The following CABIN1 variants were observed in gnomAD, a reference collection of about 807,000 sequenced individuals.
CABIN1 encodes calcineurin-binding protein cabin-1.
A neutral mutation model predicts 227.7 loss-of-function variants in CABIN1; 133 were observed. That is an observed-to-expected ratio of 0.58 (90% CI 0.51 to 0.67). The LOEUF (loss-of-function observed/expected upper bound fraction) is 0.67, where lower values mean the gene tolerates loss of function less well. Among genes scored for constraint, CABIN1 ranks in the 30% least tolerant of loss-of-function variants. The pLI is 0.00. For synonymous variants in CABIN1, 1,086 were observed against 1,155.1 expected (o/e 0.94, Z 1.21); for missense variants, 2,408 against 2,852.5 (o/e 0.84, Z 3.55).
At chr22:24,166,582 G>T in intron 31 of CABIN1, 57 bp from the exon 32 acceptor site, 1 of 1,610,692 alleles carries the variant, frequency 6.2e-7, no homozygotes, top group South Asian at 1.1e-5. Flanking sequence ...CCCCAGAGGT[G>T]ACTCATTGCA....
intron 29 of CABIN1, chr22:24,156,017 C>A: frequency 1.7e-6 from 1 of 573,286 alleles, no homozygotes; most frequent in Non-Finnish European, 3.1e-6. Context: ...CGAGCCTCCG[C>A]GGCCATGGCC....
chr22:24,040,997 G>A (rs1762252011), intron 4 of CABIN1, 142 bp from the exon 5 acceptor site: 1 of 926,064 alleles, frequency 1.1e-6, no homozygotes, highest in Non-Finnish European at 1.7e-6. Context: ...ACATGGTGCA[G>A]TGCCTTCATT....
At chr22:24,176,077 G>A (rs370328153) in intron 34 of CABIN1, 34 bp from the exon 35 acceptor site, 7 of 1,600,686 alleles carry the variant, frequency 4.4e-6, no homozygotes, top group African/African-American at 2.7e-5. Context: ...GGGTGGATGA[G>A]TCTATTACCT....
chr22:24,110,391 C>T (rs2042744776), intron 26 of CABIN1, among the ~76,000 whole-genome samples: 1 of 152,162 alleles, frequency 6.6e-6, no homozygotes, highest in African/African-American at 2.4e-5. Context: ...TCTAAGCCCA[C>T]AATACATTGC....
chr22:24,087,832 C>T, intron 23 of CABIN1, 119 bp downstream of exon 23: 1 of 1,328,042 alleles, frequency 7.5e-7, no homozygotes, highest in Non-Finnish European at 1.0e-6. Flanking sequence ...ATGCTGGGAG[C>T]TCACTGACGA....
intron 29 of CABIN1, among the ~76,000 whole-genome samples, chr22:24,153,574 G>T (rs1041087526): frequency 2.0e-5 from 3 of 152,200 alleles, no homozygotes; most frequent in African/African-American, 7.2e-5. Context: ...ACTTCCTGGG[G>T]GGTTGGGGGG....
At chr22:24,165,235 C>G (rs538571147) in intron 30 of CABIN1, among the ~76,000 whole-genome samples, 4 of 152,336 alleles carry the variant, frequency 2.6e-5, no homozygotes, top group African/African-American at 9.6e-5. Context: ...CCTGGGGCAC[C>G]CTGGAGCCAG....
At position 24,084,835 on chromosome 22, in the gene CABIN1, TC is replaced by T. The variant is rs372209877; in HGVS notation, c.3117+52del. The T allele has an allele frequency of 4.4e-5, 70 of 1,590,500 alleles. No individual in the cohort carries two copies. In the East Asian group the frequency reaches 1.4e-3, roughly 32 times the overall value. On this transcript the variant is annotated intron_variant, in intron 21 of 36. Coordinates refer to ENST00000263119, the MANE Select transcript of CABIN1 (RefSeq NM_012295.4). ...GGGGGACAGGGCTGGGTCACACTCT[TC>T]CGCTCTGCCACTGCTGTATATGCTC...
At position 24,056,100 on chromosome 22, in the gene CABIN1, G is replaced by A. The variant is rs551304603; in HGVS notation, c.1094-92G>A. On this transcript the variant is annotated intron_variant, in intron 9 of 36. Coordinates refer to ENST00000263119, the MANE Select transcript of CABIN1 (RefSeq NM_012295.4). ...AATGTCAAAGAGTTTAATGCTAGTA[G>A]ATTTATAAAAGAGGGAGATTGATGT... The A allele has an allele frequency of 1.3e-4, 141 of 1,104,002 alleles. No individual in the cohort carries two copies. In the South Asian group the frequency reaches 1.7e-3, roughly 13 times the overall value. The allele number at this position is 1,104,002 out of a possible 1,614,324, so 68.4% of individuals were successfully genotyped here. A position where few individuals can be genotyped will look rare whatever the true frequency, so the allele number is the denominator to read the frequency against.
At chr22:24,084,479 C>T (rs2041017210) in intron 20 of CABIN1, 100 bp from the exon 21 acceptor site, 7 of 967,188 alleles carry the variant, frequency 7.2e-6, no homozygotes, top group Non-Finnish European at 1.2e-5. Flanking sequence ...GCCATAACCT[C>T]ATTTACATTG....
intron 26 of CABIN1, among the ~76,000 whole-genome samples, chr22:24,106,761 T>C (rs760514651): frequency 2.0e-4 from 31 of 152,204 alleles, no homozygotes; most frequent in Admixed American, 5.9e-4. Context: ...AGAGGAGGAA[T>C]GGAGGCTGGG....
intron 1 of CABIN1, chr22:24,011,633 G>A (rs2034819127): frequency 6.6e-6 from 1 of 152,282 alleles, no homozygotes; most frequent in Admixed American, 6.5e-5. Flanking sequence ...GTAACCGCAG[G>A]AGCCACCATT....
intron 35 of CABIN1, 125 bp downstream of exon 35, chr22:24,176,400 G>A (rs2148828746): frequency 8.8e-7 from 1 of 1,135,648 alleles, no homozygotes; most frequent in East Asian, 2.6e-5. Flanking sequence ...GGAATGAGAT[G>A]GGGAGGAAAT....
chr22:24,081,582 G>T (rs953727422), intron 19 of CABIN1, among the ~76,000 whole-genome samples: 1 of 151,994 alleles, frequency 6.6e-6, no homozygotes, highest in African/African-American at 2.4e-5. Flanking sequence ...TTGGTTTATT[G>T]ATCCATTTTT....
At chr22:24,110,167 C>G (rs1569229206) in intron 26 of CABIN1, among the ~76,000 whole-genome samples, 2 of 152,094 alleles carry the variant, frequency 1.3e-5, no homozygotes, top group African/African-American at 4.8e-5. Flanking sequence ...GACCCTGTCT[C>G]AAAAAAAATT....
chr22:24,147,371 G>GCCTCCCTC (rs1431272447), intron 29 of CABIN1, among the ~76,000 whole-genome samples: 2 of 127,096 alleles, frequency 1.6e-5, no homozygotes, highest in African/African-American at 2.9e-5. Flanking sequence ...CTGCTTCCCT[G>GCCTCCCTC]CCTCCCTCCC....
chr22:24,019,120 GTTTTTTT>G (rs945660140), intron 1 of CABIN1, among the ~76,000 whole-genome samples: 1 of 40,176 alleles, frequency 2.5e-5, no homozygotes, highest in African/African-American at 1.0e-4. Flanking sequence ...ACTGAGTGTT[GTTTTTTT>G]TTTTTTTTTT....
intron 3 of CABIN1, 54 bp from the exon 4 acceptor site, chr22:24,038,294 T>C: frequency 6.7e-7 from 1 of 1,487,682 alleles, no homozygotes; most frequent in Non-Finnish European, 9.4e-7. Flanking sequence ...ATTTTTGGCT[T>C]AAAAAAGACA....
At chr22:24,044,024 C>T (rs1322275073) in intron 6 of CABIN1, among the ~76,000 whole-genome samples, 1 of 152,196 alleles carries the variant, frequency 6.6e-6, no homozygotes, top group Non-Finnish European at 1.5e-5. Flanking sequence ...GAATAATTCT[C>T]TTTGACCTGA....
Sources: allele counts gnomAD v4.1 joint callset (sites outside exome capture counted in the v4.1 genomes callset), GRCh38; gene constraint gnomAD v4.1.1; transcripts MANE v1.5; gene names NCBI Gene and HGNC (gene_info 2026-07-23, HGNC 2026-07-21).